Variants in CAT observed in about 807,000 individuals in gnomAD.
CAT encodes the protein epididymis secretory sperm binding protein.
CAT carries 43 observed loss-of-function variants against 59.0 expected under a neutral mutation model. That is an observed-to-expected ratio of 0.73 (90% CI 0.57 to 0.94). The LOEUF (loss-of-function observed/expected upper bound fraction) is 0.94, where lower values mean the gene tolerates loss of function less well. Among genes scored for constraint, CAT ranks in the 40% least tolerant of loss-of-function variants. The probability of loss-of-function intolerance (pLI) is 0.00; values close to 1 mark genes in which losing one functional copy is unlikely to be tolerated. For synonymous variants in CAT, 218 were observed against 230.9 expected, an observed-to-expected ratio of 0.94 and a Z score of 0.51; for missense variants, 664 against 682.9, an observed-to-expected ratio of 0.97 and a Z score of 0.31.
intron 4 of CAT, 32 bp downstream of exon 4, chr11:34,452,239 T>C: frequency 6.2e-7 from 1 of 1,601,714 alleles, no homozygotes; most frequent in Non-Finnish European, 8.6e-7. Context: ...ACTCAACAAA[T>C]GTTTGTTGAC....
intron 1 of CAT, among the ~76,000 whole-genome samples, chr11:34,440,866 C>T (rs375695843): frequency 1.3e-5 from 2 of 152,146 alleles, no homozygotes; most frequent in African/African-American, 4.8e-5. Flanking sequence ...TTTTAAAGGA[C>T]TCCCCTTTAT....
rs773169246 is a variant in CAT at position 34,452,071 on chromosome 11, T to G, written c.350-6T>G. ...TATGCTTCCTGTTTCCATTTGAATA[T>G]TGTAGCTGGAGAATCGGGTTCAGCT... On this transcript the variant is annotated splice_region_variant and splice_polypyrimidine_tract_variant and intron_variant, in intron 3 of 12. Transcript: ENST00000241052. 6.2e-7 allele frequency: 1 copy of G among 1,613,634 alleles called. No homozygotes were observed. The highest frequency in any genetic ancestry group is 8.5e-7 in the Non-Finnish European group (1 of 1,179,560).
rs768420108 is a variant in CAT, at chr11:34,453,075, C to T, written c.481-15C>T. The stretch of plus-strand genomic sequence containing the variant: ...ACTTAGTTTTTGGATTTTTTTCTCT[C>T]TTTTTTCTATTTAGTTTCCATCTTT... On this transcript the variant is annotated splice_polypyrimidine_tract_variant and intron_variant, in intron 4 of 12. Coordinates refer to ENST00000241052, the MANE Select transcript of CAT (RefSeq NM_001752.4). The T allele has an allele frequency of 7.1e-6, 11 of 1,555,802 alleles. No individual in the cohort carries two copies. The highest frequency in any genetic ancestry group is 1.1e-5 in the South Asian group (1 of 89,836).
At chr11:34,442,774 A>T (rs1856406884) in intron 1 of CAT, among the ~76,000 whole-genome samples, 1 of 152,128 alleles carries the variant, frequency 6.6e-6, no homozygotes, top group African/African-American at 2.4e-5. Flanking sequence ...CCAGCACAGA[A>T]GGCTCAAGAG....
chr11:34,471,219 C>A, intron 12 of CAT, 149 bp from the exon 13 acceptor site: 1 of 854,084 alleles, frequency 1.2e-6, no homozygotes, highest in Non-Finnish European at 2.0e-6. Flanking sequence ...AAAACACATA[C>A]TCTTCATTTT....
chr11:34,440,266 AG>A (rs1305236602), intron 1 of CAT, among the ~76,000 whole-genome samples: 1 of 152,200 alleles, frequency 6.6e-6, no homozygotes, highest in Admixed American at 6.5e-5. Flanking sequence ...TTCTCCTCCA[AG>A]GGCCTGGAAA....
At chr11:34,461,137 T>C in intron 8 of CAT, 114 bp from the exon 9 acceptor site, 4 of 1,150,788 alleles carry the variant, frequency 3.5e-6, no homozygotes, top group Non-Finnish European at 5.3e-6. Flanking sequence ...CAGAATTTTG[T>C]GGTAACCATG....
chr11:34,456,285 A>G lies in CAT; in HGVS notation c.903+83A>G. The G allele has an allele frequency of 2.8e-6, 3 of 1,053,086 alleles. No homozygotes were observed. The South Asian group carries it at 4.1e-5, about 14-fold the overall frequency. The allele number at this position is 1,053,086 out of a possible 1,614,324, so 65.2% of individuals were successfully genotyped here. ...AAAAAAAATCTAGTCAAACAATTATAATAATGGGGAAGTCATATACAAAAT... is the reference window on the plus strand; with the variant it reads ...AAAAAAAATCTAGTCAAACAATTATGATAATGGGGAAGTCATATACAAAAT... On this transcript the variant is annotated intron_variant, in intron 7 of 12. Transcript: ENST00000241052.
chr11:34,457,083 A>T, intron 8 of CAT: 1 of 471,730 alleles, frequency 2.1e-6, no homozygotes, highest in Non-Finnish European at 3.8e-6. Flanking sequence ...TAATTAAAAA[A>T]AAAAGACATA....
intron 2 of CAT, 70 bp from the exon 3 acceptor site, chr11:34,450,918 G>A (rs907445614): frequency 2.0e-6 from 2 of 978,520 alleles, no homozygotes; most frequent in South Asian, 2.6e-5. Context: ...TTGTCACCCA[G>A]GTGCCTGTTG....
intron 1 of CAT, among the ~76,000 whole-genome samples, chr11:34,445,495 CAAAAAAAAAAAAAAAAA>C (rs58169234): frequency 2.8e-5 from 1 of 36,340 alleles, no homozygotes; most frequent in Admixed American, 5.1e-4. Context: ...GACTCCATCT[CAAAAAAAAAAAAAAAAA>C]AAAAAAAAAA....
intron 1 of CAT, among the ~76,000 whole-genome samples, chr11:34,440,855 T>G (rs1049573865): frequency 2.6e-5 from 4 of 152,174 alleles, no homozygotes; most frequent in Admixed American, 1.3e-4. Context: ...AATATTTTCA[T>G]TTTTAAAGGA....
intron 5 of CAT, 73 bp from the exon 6 acceptor site, chr11:34,453,728 A>C: frequency 1.4e-6 from 2 of 1,430,760 alleles, no homozygotes; most frequent in Admixed American, 3.4e-5. Context: ...CTGGAAACTA[A>C]GGAATATCTT....
At chr11:34,447,159 G>T (rs901074873) in intron 1 of CAT, among the ~76,000 whole-genome samples, 1 of 152,134 alleles carries the variant, frequency 6.6e-6, no homozygotes, top group African/African-American at 2.4e-5. Flanking sequence ...TTTTAACTTT[G>T]TTATCACCCA....
intron 11 of CAT, 72 bp downstream of exon 11, chr11:34,468,467 A>G: frequency 2.8e-6 from 3 of 1,073,700 alleles, no homozygotes; most frequent in Non-Finnish European, 4.4e-6. Context: ...GGAGAACCCT[A>G]AAAAGAAAGT....
At chr11:34,450,566 T>A (rs1856512436) in intron 2 of CAT, among the ~76,000 whole-genome samples, 1 of 152,230 alleles carries the variant, frequency 6.6e-6, no homozygotes, top group Non-Finnish European at 1.5e-5. Flanking sequence ...TTTTCCATCT[T>A]GACTTGTTTA....
chr11:34,452,304 AAG>A (rs765978483), intron 4 of CAT, 97 bp downstream of exon 4: 1 of 1,193,330 alleles, frequency 8.4e-7, no homozygotes, highest in Non-Finnish European at 1.2e-6. Flanking sequence ...GAAAGGCAGA[AAG>A]AAAAGAATGC....
chr11:34,471,056 G>A lies in CAT; in HGVS notation c.1518+15G>A. The A allele has an allele frequency of 6.2e-7, 1 of 1,609,774 alleles. No individual in the cohort carries two copies. On this transcript the variant is annotated intron_variant, in intron 12 of 12. Transcript: ENST00000241052. Reference sequence around the variant, plus strand: ...AGAAGCCTAAGGTAAGCTGGGAGCAGCCTGGCCATGCAGAGGCTGTGTGTG... The same window carrying A: ...AGAAGCCTAAGGTAAGCTGGGAGCAACCTGGCCATGCAGAGGCTGTGTGTG...
At chr11:34,455,531 TAA>T (rs200317429) in intron 6 of CAT, among the ~76,000 whole-genome samples, 18 of 132,736 alleles carry the variant, frequency 1.4e-4, no homozygotes, top group Admixed American at 2.3e-4. Context: ...TATGATTTAT[TAA>T]AAAAAAAAAA....
Sources: allele counts gnomAD v4.1 joint callset (sites outside exome capture counted in the v4.1 genomes callset), GRCh38; gene constraint gnomAD v4.1.1; transcripts MANE v1.5; gene names NCBI Gene and HGNC (gene_info 2026-07-23, HGNC 2026-07-21).